The following VSTM2A variants were observed in gnomAD, a reference collection of about 807,000 sequenced individuals.
VSTM2A encodes the protein V-set and transmembrane domain containing 2A.
Under a neutral mutation model 27.3 loss-of-function variants are expected in VSTM2A, and 13 were observed. The ratio of observed to expected loss-of-function variants is 0.48; its 90% CI spans 0.31 to 0.76. The LOEUF is 0.76. Ranked by LOEUF, VSTM2A falls within the 30% of genes least tolerant of loss-of-function variation. The pLI, the probability that VSTM2A is intolerant of heterozygous loss-of-function variation, is 0.05. For missense variants in VSTM2A, 280 were observed against 310.0 expected, an observed-to-expected ratio of 0.90 and a Z score of 0.73; for synonymous variants, 142 against 125.7, an observed-to-expected ratio of 1.13 and a Z score of -0.87.
chr7:54,556,549 A>G (rs1788366998), intron 4 of VSTM2A, among the ~76,000 whole-genome samples: 1 of 152,204 alleles, frequency 6.6e-6, no homozygotes, highest in Non-Finnish European at 1.5e-5. Flanking sequence ...CTTACCGCTG[A>G]TTTTTGTTTA....
At chr7:54,557,575 C>G (rs1788410282) in intron 4 of VSTM2A, among the ~76,000 whole-genome samples, 1 of 152,012 alleles carries the variant, frequency 6.6e-6, no homozygotes, top group African/African-American at 2.4e-5. Context: ...CTCAAGTGAT[C>G]CCCTCTCTTT....
In VSTM2A at chr7:54,544,839, G is replaced by C. The variant is rs565751436; in HGVS notation, c.246+51G>C. Reference sequence around the variant, plus strand: ...CTCCCCTTCGCTCGCCCGGTCCTCAGGGTGTCCGGCCCGGGGCTGGGGGCC... The same window carrying C: ...CTCCCCTTCGCTCGCCCGGTCCTCACGGTGTCCGGCCCGGGGCTGGGGGCC... On this transcript the variant is annotated intron_variant, in intron 2 of 4. Coordinates refer to ENST00000402613, the MANE Select transcript of VSTM2A (RefSeq NM_001301009.2). 22 of 1,533,506 alleles carry C rather than the reference G, an allele frequency of 1.4e-5. No individual in the cohort carries two copies. The African/African-American group carries it at 2.6e-4, about 18-fold the overall frequency. 95.0% of individuals were successfully genotyped at this position (1,533,506 alleles called of 1,614,324 possible).
rs532446573 is a variant in VSTM2A at position 54,562,477 on chromosome 7, A to G, written c.635-6654A>G. On this transcript the variant is annotated intron_variant, in intron 4 of 4. Coordinates refer to ENST00000402613, the MANE Select transcript of VSTM2A (RefSeq NM_001301009.2). ...GAAACATTCAAAGAGGGCGTGGATA[A>G]GGAGAGGTATTCTTTATTTCACCAA... Among the ~76,000 whole-genome samples the G allele has an allele frequency of 2.7e-4, 41 of 152,280 alleles. No individual in the cohort carries two copies. In the South Asian group the frequency reaches 8.3e-3, roughly 31 times the overall value.
At chr7:54,543,858 T>C (rs983153212) in intron 1 of VSTM2A, among the ~76,000 whole-genome samples, 5 of 152,246 alleles carry the variant, frequency 3.3e-5, no homozygotes, top group African/African-American at 9.6e-5. Context: ...ATTATATTTT[T>C]GTGAGTTTCA....
At chr7:54,545,022 G>A (rs191276751) in intron 2 of VSTM2A, among the ~76,000 whole-genome samples, 1 of 152,332 alleles carries the variant, frequency 6.6e-6, no homozygotes, top group Admixed American at 6.5e-5. Context: ...AAACCGGGAA[G>A]CGCCTCCTCC....
At chr7:54,546,690 G>GCCGGGACAGCC (rs1454647586) in intron 2 of VSTM2A, 220 of 377,146 alleles carry the variant, frequency 5.8e-4, no homozygotes, top group South Asian at 1.8e-3. Flanking sequence ...CCGGGACAGC[G>GCCGGGACAGCC]CCGGGACAGC....
intron 4 of VSTM2A, among the ~76,000 whole-genome samples, chr7:54,566,145 T>A (rs1239321774): frequency 6.6e-6 from 1 of 152,246 alleles, no homozygotes; most frequent in Non-Finnish European, 1.5e-5. Flanking sequence ...ATTAAATAGA[T>A]GTCGAAGGAC....
intron 4 of VSTM2A, chr7:54,558,895 T>C (rs1266889736): frequency 2.0e-5 from 3 of 152,096 alleles, no homozygotes; most frequent in African/African-American, 7.2e-5. Context: ...AGTTACAAAA[T>C]AATTTGCAAG....
chr7:54,569,307 C>A lies in VSTM2A; in HGVS notation c.*88C>A, dbSNP rs368293160. On this transcript the variant is annotated 3_prime_UTR_variant, in exon 5 of 5. Transcript: ENST00000402613. ...TGATCATATTTTCTTTGGCAAAACA[C>A]TGATCTTTTATTTTAAGAGAATTAA... 1.9e-5 allele frequency: 29 copies of A among 1,520,390 alleles called. No individual in the cohort carries two copies. The highest frequency in any genetic ancestry group is 6.6e-5 in the Admixed American group (3 of 45,578). The allele number at this position is 1,520,390 out of a possible 1,614,324, so 94.2% of individuals were successfully genotyped here.
chr7:54,545,316 G>A (rs1787912773), intron 2 of VSTM2A, among the ~76,000 whole-genome samples: 1 of 151,074 alleles, frequency 6.6e-6, no homozygotes, highest in Admixed American at 6.6e-5. Flanking sequence ...AAGGAAAGGG[G>A]GGAAATGGAG....
At chr7:54,568,139 A>G (rs1334784832) in intron 4 of VSTM2A, among the ~76,000 whole-genome samples, 1 of 152,222 alleles carries the variant, frequency 6.6e-6, no homozygotes, top group Admixed American at 6.5e-5. Flanking sequence ...AGTTTACTAA[A>G]TGGCTACTTT....
At chr7:54,545,301 G>A (rs1262050029) in intron 2 of VSTM2A, among the ~76,000 whole-genome samples, 1 of 150,810 alleles carries the variant, frequency 6.6e-6, no homozygotes, top group Non-Finnish European at 1.5e-5. Flanking sequence ...GAGAGAGGGA[G>A]AGAGAAGGAA....
chr7:54,562,360 T>A (rs1194401418), intron 4 of VSTM2A, among the ~76,000 whole-genome samples: 1 of 152,236 alleles, frequency 6.6e-6, no homozygotes, highest in Non-Finnish European at 1.5e-5. Flanking sequence ...TCACTCTGAG[T>A]TCCTCAGTTG....
chr7:54,556,956 C>G (rs527446946), intron 4 of VSTM2A: 1 of 152,348 alleles, frequency 6.6e-6, no homozygotes, highest in East Asian at 1.9e-4. Flanking sequence ...TCAAGTGATT[C>G]CATGATGTCT....
At chr7:54,553,560 A>C (rs375800806) in intron 4 of VSTM2A, among the ~76,000 whole-genome samples, 2 of 152,208 alleles carry the variant, frequency 1.3e-5, no homozygotes, top group South Asian at 4.1e-4. Flanking sequence ...AGCAGAAGAA[A>C]TGTTCTATAG....
chr7:54,553,592 C>T (rs751825177), intron 4 of VSTM2A, among the ~76,000 whole-genome samples: 3 of 152,118 alleles, frequency 2.0e-5, no homozygotes, highest in Non-Finnish European at 2.9e-5. Flanking sequence ...AGGTGAATTC[C>T]TGCTTCTTGC....
intron 2 of VSTM2A, chr7:54,546,745 C>T (rs1788004409): frequency 1.8e-6 from 1 of 556,228 alleles, no homozygotes; most frequent in Non-Finnish European, 3.1e-6. Context: ...GTGGGGTATG[C>T]CAGGGACAGC....
chr7:54,556,153 T>C (rs1176142540), intron 4 of VSTM2A, among the ~76,000 whole-genome samples: 1 of 152,218 alleles, frequency 6.6e-6, no homozygotes, highest in Admixed American at 6.5e-5. Flanking sequence ...TTTCCAATGT[T>C]GGGATGGACT....
intron 4 of VSTM2A, among the ~76,000 whole-genome samples, chr7:54,566,658 A>G (rs764245556): frequency 1.1e-4 from 16 of 152,232 alleles, no homozygotes; most frequent in Non-Finnish European, 2.1e-4. Context: ...TCCTATCACA[A>G]TGCAATACCT....
Sources: gnomAD v4.1 joint callset for allele counts (sites outside exome capture counted in the v4.1 genomes callset) on GRCh38, gnomAD v4.1.1 for gene constraint, MANE v1.5 for transcripts, NCBI Gene and HGNC (gene_info 2026-07-23, HGNC 2026-07-21) for gene names.